The following WNK1 variants were observed in gnomAD, a reference collection of about 807,000 sequenced individuals.
The protein encoded by WNK1 is serine/threonine-protein kinase WNK1.
Under a neutral mutation model 222.8 loss-of-function variants are expected in WNK1, and 38 were observed. That is an observed-to-expected ratio of 0.17 (90% CI 0.13 to 0.22). The LOEUF is 0.22. WNK1 is among the 10% of genes least tolerant of loss of function. The pLI is 1.00. For synonymous variants in WNK1, 1,090 were observed against 1,092.9 expected, an observed-to-expected ratio of 1.00 and a Z score of 0.05; for missense variants, 2,348 against 2,918.4, an observed-to-expected ratio of 0.80 and a Z score of 4.50.
At chr12:860,864 T>C (rs72648687) in intron 6 of WNK1, 149 bp from the exon 7 acceptor site, 2 of 780,032 alleles carry the variant, frequency 2.6e-6, no homozygotes, top group Non-Finnish European at 4.3e-6. Flanking sequence ...ATTTTACAGT[T>C]CGGTTAAGGC....
At chr12:882,194 A>AT in intron 14 of WNK1, 121 bp downstream of exon 14, 1 of 1,203,100 alleles carries the variant, frequency 8.3e-7, no homozygotes, top group Non-Finnish European at 1.2e-6. Flanking sequence ...TCTGTGTGTG[A>AT]CAGATAATTT....
At chr12:840,845 C>T (rs1949574868) in intron 4 of WNK1, among the ~76,000 whole-genome samples, 1 of 152,212 alleles carries the variant, frequency 6.6e-6, no homozygotes, top group Non-Finnish European at 1.5e-5. Context: ...AAACAAGTAG[C>T]TACTTAACAG....
At chr12:861,584 G>A (rs554941629) in intron 7 of WNK1, among the ~76,000 whole-genome samples, 16 of 152,208 alleles carry the variant, frequency 1.1e-4, no homozygotes, top group Non-Finnish European at 2.1e-4. Context: ...TCAACATCTT[G>A]GAGGTTTCAA....
At position 812,551 on chromosome 12, in the gene WNK1, A is replaced by G. The variant is rs562583268; in HGVS notation, c.760-1091A>G. ...ATGTACATAGTATCCATTGGTTTTA[A>G]TGCTATTGGGCAGAGTAGAAACAGG... On this transcript the variant is annotated intron_variant, in intron 1 of 27. Transcript: ENST00000315939. Among the ~76,000 whole-genome samples the G allele has an allele frequency of 2.6e-5, 4 of 152,296 alleles. No individual in the cohort carries two copies. In the South Asian group the frequency reaches 6.2e-4, roughly 24 times the overall value.
At position 881,016 on chromosome 12, in the gene WNK1, C is replaced by T. The variant is rs1186432327; in HGVS notation, c.3111+17C>T. 3.7e-6 allele frequency: 6 copies of T among 1,613,770 alleles called. No homozygotes were observed. Among genetic ancestry groups the T allele is most frequent in the Non-Finnish European group, 5.1e-6 (6 of 1,179,894 alleles). ...GTTTTGGAGGTAAATAGAATTACTG[C>T]ATGTTTATATGTAAAACGTATATAT... On this transcript the variant is annotated intron_variant, in intron 12 of 27. Transcript: ENST00000315939.
intron 1 of WNK1, among the ~76,000 whole-genome samples, chr12:783,633 CA>C (rs1231127359): frequency 2.0e-4 from 18 of 90,552 alleles, no homozygotes; most frequent in Admixed American, 5.9e-4. Context: ...CTGTCTCCAC[CA>C]AAAAAAAAAA....
chr12:891,025 A>C (rs565248114), intron 22 of WNK1, among the ~76,000 whole-genome samples: 1 of 152,372 alleles, frequency 6.6e-6, no homozygotes, highest in African/African-American at 2.4e-5. Flanking sequence ...GGGAATGTAG[A>C]TTATCAAAAT....
intron 4 of WNK1, among the ~76,000 whole-genome samples, chr12:856,338 C>T (rs1056372367): frequency 5.3e-5 from 8 of 151,540 alleles, no homozygotes; most frequent in South Asian, 2.1e-4. Flanking sequence ...CCTGTATTCC[C>T]GGCTACTCAG....
chr12:794,791 A>G (rs1945154449), intron 1 of WNK1, among the ~76,000 whole-genome samples: 1 of 152,214 alleles, frequency 6.6e-6, no homozygotes, highest in Admixed American at 6.5e-5. Flanking sequence ...TTGCTCTGTC[A>G]TCTTGGCTGG....
rs1383050845 is a variant in WNK1, at chr12:754,118, A to AGCG, written c.562_564dup (p.Gly188dup). On this transcript the variant is annotated inframe_insertion, in exon 1 of 28. Transcript: ENST00000315939. ...GGAGCCGCCGCCGGCGAGAAGTGGCAGCGGCGGCGGCAGCGCCAAGGAGCC... is the reference window on the plus strand; with the variant it reads ...GGAGCCGCCGCCGGCGAGAAGTGGCAGCGGCGGCGGCGGCAGCGCCAAGGAGCC... 6.2e-7 allele frequency: 1 copy of AGCG among 1,610,242 alleles called. No individual in the cohort carries two copies. The highest frequency in any genetic ancestry group is 1.3e-5 in the African/African-American group (1 of 75,044).
At chr12:866,285 T>C in intron 8 of WNK1, among the ~76,000 whole-genome samples, 1 of 152,312 alleles carries the variant, frequency 6.6e-6, no homozygotes, top group East Asian at 1.9e-4. Context: ...TCGATAAGGA[T>C]CTTCCCTATG....
intron 4 of WNK1, among the ~76,000 whole-genome samples, chr12:841,720 C>T (rs894862038): frequency 1.3e-5 from 2 of 152,220 alleles, no homozygotes; most frequent in African/African-American, 2.4e-5. Flanking sequence ...CAGGTGCCAT[C>T]AGATTTGGTA....
intron 4 of WNK1, among the ~76,000 whole-genome samples, chr12:846,597 G>A (rs1187931672): frequency 1.3e-5 from 2 of 152,176 alleles, no homozygotes; most frequent in South Asian, 2.1e-4. Context: ...GTTCATAACT[G>A]TAAGAATCTG....
At chr12:756,118 A>T (rs1458831546) in intron 1 of WNK1, among the ~76,000 whole-genome samples, 2 of 152,194 alleles carry the variant, frequency 1.3e-5, no homozygotes, top group Non-Finnish European at 2.9e-5. Context: ...CTTCCATTAT[A>T]GTTTTATATT....
chr12:772,401 T>TGG (rs201832068), intron 1 of WNK1, among the ~76,000 whole-genome samples: 2,113 of 134,390 alleles, frequency 0.016, 55 homozygotes, highest in African/African-American at 0.055. Context: ...TAATCATAAT[T>TGG]GGGGTGTGTG....
intron 26 of WNK1, among the ~76,000 whole-genome samples, chr12:901,948 T>C (rs1392652491): frequency 6.6e-6 from 1 of 152,088 alleles, no homozygotes; most frequent in Non-Finnish European, 1.5e-5. Flanking sequence ...TTTAGAATAA[T>C]GAAGACTGAA....
chr12:878,800 G>GTTTT (rs1658943001), intron 10 of WNK1, among the ~76,000 whole-genome samples: 1 of 119,460 alleles, frequency 8.4e-6, no homozygotes, highest in African/African-American at 2.6e-5. Flanking sequence ...TTTTTCTTAA[G>GTTTT]TAGTCCTCCT....
chr12:812,708 GA>G (rs1409108282), intron 1 of WNK1, among the ~76,000 whole-genome samples: 9 of 152,050 alleles, frequency 5.9e-5, no homozygotes, highest in African/African-American at 1.4e-4. Flanking sequence ...AGGTAGATCA[GA>G]AAACATTGCC....
At chr12:823,702 T>C (rs1194707487) in intron 2 of WNK1, among the ~76,000 whole-genome samples, 1 of 152,170 alleles carries the variant, frequency 6.6e-6, no homozygotes, top group Admixed American at 6.5e-5. Flanking sequence ...GTCTGCAAAG[T>C]TTTGGCATAG....
Sources: gnomAD v4.1 joint callset for allele counts (sites outside exome capture counted in the v4.1 genomes callset) on GRCh38, gnomAD v4.1.1 for gene constraint, MANE v1.5 for transcripts, NCBI Gene and HGNC (gene_info 2026-07-23, HGNC 2026-07-21) for gene names.